COL27A1: variants seen among roughly 807,000 people sequenced by gnomAD.
COL27A1 encodes the protein collagen type XXVII alpha 1 chain.
A neutral mutation model predicts 251.3 loss-of-function variants in COL27A1; 106 were observed. That is an observed-to-expected ratio of 0.42 (90% CI 0.36 to 0.50). The LOEUF is 0.50. COL27A1 is among the 20% of genes least tolerant of loss of function. The probability of loss-of-function intolerance (pLI) is 0.00; values close to 1 mark genes in which losing one functional copy is unlikely to be tolerated. For synonymous variants in COL27A1, 1,000 were observed against 986.3 expected (o/e 1.01, Z -0.26); for missense variants, 2,325 against 2,522.8 (o/e 0.92, Z 1.68).
At chr9:114,218,825 G>A (rs1830882669) in intron 12 of COL27A1, among the ~76,000 whole-genome samples, 1 of 152,122 alleles carries the variant, frequency 6.6e-6, no homozygotes, top group Admixed American at 6.6e-5. Flanking sequence ...GGTCTTTTGG[G>A]TTTAGTGTAC....
rs1400031774 is a variant in COL27A1 at position 114,290,209 on chromosome 9, T to C, written c.4261-15T>C. The C allele has an allele frequency of 6.3e-7, 1 of 1,577,432 alleles. No homozygotes were observed. The highest frequency in any genetic ancestry group is 8.6e-7 in the Non-Finnish European group (1 of 1,161,084). The stretch of plus-strand genomic sequence containing the variant: ...TGCACCAAATGCCCTCACCAGCTTT[T>C]TATGTACCCCCCAGGGCCTGCAGGG... On this transcript the variant is annotated splice_polypyrimidine_tract_variant and intron_variant, in intron 46 of 60. Coordinates refer to ENST00000356083, the MANE Select transcript of COL27A1 (RefSeq NM_032888.4). The surrounding 1 kb of genome is among the most constrained non-coding windows in gnomAD (Gnocchi z 4.6).
At chr9:114,265,744 A>G (rs1834697273) in intron 32 of COL27A1, among the ~76,000 whole-genome samples, 1 of 152,188 alleles carries the variant, frequency 6.6e-6, no homozygotes, top group South Asian at 2.1e-4. Context: ...AAATGCGAAA[A>G]TGTATAGGGA....
intron 12 of COL27A1, among the ~76,000 whole-genome samples, chr9:114,217,444 C>A (rs1830782619): frequency 6.6e-6 from 1 of 151,314 alleles, no homozygotes; most frequent in African/African-American, 2.5e-5. Flanking sequence ...CTGGAATGGC[C>A]TCTGAATGCA....
chr9:114,169,300 C>A lies in COL27A1; in HGVS notation c.1745C>A (p.Pro582His), dbSNP rs774045307. ...AGGCCTAGCCCCAGACAGCCCCAGC[C>A]CAGTCAGCAGACCACCCCGGCCCTG... ...TTRPSPRQPQPSQQTTPALVL... is the reference protein window; with the variant it reads ...TTRPSPRQPQHSQQTTPALVL... The change falls in exon 3 of 61, where the codon CCC (proline) becomes CAC (histidine). Residue 582 changes from proline (P) to histidine (H), a missense_variant. By Grantham distance (77) the Pro-to-His change is moderately conservative (BLOSUM62 -2). Coordinates refer to ENST00000356083, the MANE Select transcript of COL27A1 (RefSeq NM_032888.4). 4.3e-5 allele frequency: 70 copies of A among 1,612,682 alleles called. No individual in the cohort carries two copies. In the South Asian group the frequency reaches 7.6e-4, roughly 17 times the overall value.
chr9:114,259,285 A>C (rs1255984047), intron 28 of COL27A1, among the ~76,000 whole-genome samples: 1 of 152,162 alleles, frequency 6.6e-6, no homozygotes, highest in South Asian at 2.1e-4. Context: ...AGCCACAGCT[A>C]TACTCCAAGG....
At chr9:114,247,280 A>G (rs1045685110) in intron 24 of COL27A1, among the ~76,000 whole-genome samples, 1 of 152,160 alleles carries the variant, frequency 6.6e-6, no homozygotes, top group Non-Finnish European at 1.5e-5. Flanking sequence ...CTCTGCAGCA[A>G]TGATTGTAAT....
intron 22 of COL27A1, 79 bp downstream of exon 22, chr9:114,242,310 G>C: frequency 7.8e-7 from 1 of 1,277,862 alleles, no homozygotes; most frequent in Non-Finnish European, 1.1e-6. Context: ...CATCTGGCCA[G>C]TGCTCCAGAG....
intron 32 of COL27A1, 86 bp from the exon 33 acceptor site, chr9:114,266,479 G>T: frequency 4.3e-6 from 5 of 1,164,676 alleles, no homozygotes; most frequent in Admixed American, 1.9e-5. Context: ...AGTTCTGGGG[G>T]TCAGCTCCCT....
At chr9:114,237,842 G>T in intron 19 of COL27A1, 127 bp downstream of exon 19, 1 of 729,174 alleles carries the variant, frequency 1.4e-6, no homozygotes, top group South Asian at 1.6e-5. Flanking sequence ...ATGAGGCTGA[G>T]AGGAGAAACT....
Position 114,265,098 on chromosome 9 carries a change from G to A in COL27A1, c.3327G>A (p.Ser1109=), listed in dbSNP as rs201604319. The part of the protein sequence containing the change: ...GVAGERGHLG[S]RGFPGIPGPS... Reference sequence around the variant, plus strand: ...CTGGTGAGCGAGGCCACTTGGGCTCGAGAGGCTTTCCTGTAAGTAGCACCA... The same window carrying A: ...CTGGTGAGCGAGGCCACTTGGGCTCAAGAGGCTTTCCTGTAAGTAGCACCA... The change falls in exon 31 of 61, where the codon TCG becomes TCA. Residue 1109 remains serine (S), a synonymous_variant. Transcript: ENST00000356083. The A allele has an allele frequency of 8.8e-5, 142 of 1,604,784 alleles. No homozygotes were observed. The highest frequency in any genetic ancestry group is 4.6e-4 in the African/African-American group (34 of 74,236).
chr9:114,300,072 C>T lies in COL27A1; in HGVS notation c.4587C>T (p.Gly1529=), dbSNP rs761278376. The T allele has an allele frequency of 1.4e-5, 22 of 1,614,048 alleles. No individual in the cohort carries two copies. In the South Asian group the frequency reaches 1.4e-4, roughly 10 times the overall value. Residue 1529 remains glycine, a splice_region_variant and synonymous_variant, in exon 50 of 61, where the codon GGC becomes GGT. Transcript: ENST00000356083. ...ATCACTTCCTGTTCTTCCTGCAGGG[C>T]GACTCTGGCGAGATGGGCTTCCCAG... is the stretch of plus-strand genomic sequence containing the variant. ...QGEPGSKGQP[G]DSGEMGFPGM...
intron 34 of COL27A1, 63 bp from the exon 35 acceptor site, chr9:114,269,178 G>T: frequency 8.7e-7 from 1 of 1,148,900 alleles, no homozygotes; most frequent in East Asian, 2.7e-5. Flanking sequence ...GAAACAGGAA[G>T]GGGTGTCGAG....
intron 12 of COL27A1, among the ~76,000 whole-genome samples, chr9:114,216,507 T>A (rs1321084265): frequency 6.6e-6 from 1 of 152,208 alleles, no homozygotes; most frequent in Non-Finnish European, 1.5e-5. Context: ...TGGAAATGGC[T>A]CTGCCACTTA....
intron 3 of COL27A1, among the ~76,000 whole-genome samples, chr9:114,175,106 C>T (rs1827310214): frequency 6.6e-6 from 1 of 152,288 alleles, no homozygotes; most frequent in South Asian, 2.1e-4. Context: ...TGGGGTTCCC[C>T]TAGATCTGGC....
intron 5 of COL27A1, among the ~76,000 whole-genome samples, chr9:114,193,401 G>A (rs1817058126): frequency 6.6e-6 from 1 of 152,124 alleles, no homozygotes; most frequent in Admixed American, 6.5e-5. Context: ...TGTCCCCTAT[G>A]CTAGGCACAA....
chr9:114,301,348 G>A, intron 53 of COL27A1, 29 bp downstream of exon 53: 1 of 1,416,640 alleles, frequency 7.1e-7, no homozygotes, highest in South Asian at 1.1e-5. Flanking sequence ...GCTGAGGGAT[G>A]CAGCACTGCA....
chr9:114,200,057 T>G (rs1323467303), intron 7 of COL27A1, among the ~76,000 whole-genome samples: 2 of 151,950 alleles, frequency 1.3e-5, no homozygotes. Flanking sequence ...CCGTGGAAGC[T>G]GTAATAAAAT....
intron 28 of COL27A1, among the ~76,000 whole-genome samples, chr9:114,262,307 GC>G (rs1213626884): frequency 1.3e-5 from 2 of 152,224 alleles, no homozygotes; most frequent in Non-Finnish European, 2.9e-5. Flanking sequence ...GGGTCACACA[GC>G]AAACCAGCAA....
At chr9:114,264,113 C>T (rs1465736181) in intron 28 of COL27A1, among the ~76,000 whole-genome samples, 3 of 152,222 alleles carry the variant, frequency 2.0e-5, no homozygotes, top group Non-Finnish European at 4.4e-5. Flanking sequence ...AGTGCCCCAG[C>T]CCCCTTCTGG....
Sources: gnomAD v4.1 joint callset for allele counts (sites outside exome capture counted in the v4.1 genomes callset) on GRCh38, gnomAD v4.1.1 for gene constraint, Gnocchi (gnomAD v3.1) non-coding constraint, MANE v1.5 for transcripts, NCBI Gene and HGNC (gene_info 2026-07-23, HGNC 2026-07-21) for gene names.